The following ASIC2 variants were observed in gnomAD, a reference collection of about 807,000 sequenced individuals.
The protein encoded by ASIC2 is acid-sensing ion channel 2.
ASIC2 carries 25 observed loss-of-function variants against 57.3 expected under a neutral mutation model. That is an observed-to-expected ratio of 0.44 (90% CI 0.32 to 0.61). The LOEUF (loss-of-function observed/expected upper bound fraction) is 0.61, where lower values mean the gene tolerates loss of function less well. ASIC2 is among the 20% of genes least tolerant of loss of function. The probability of loss-of-function intolerance (pLI) is 0.06; values close to 1 mark genes in which losing one functional copy is unlikely to be tolerated. For synonymous variants in ASIC2, 319 were observed against 307.5 expected (o/e 1.04, Z -0.39); for missense variants, 641 against 738.1 (o/e 0.87, Z 1.52).
At chr17:33,452,124 C>A (rs936939802) in intron 1 of ASIC2, among the ~76,000 whole-genome samples, 2 of 152,226 alleles carry the variant, frequency 1.3e-5, no homozygotes, top group Non-Finnish European at 1.5e-5. Context: ...AGCAAAAAAG[C>A]ACTGACTGCC....
intron 1 of ASIC2, among the ~76,000 whole-genome samples, chr17:33,787,535 T>C (rs1911642218): frequency 1.3e-5 from 2 of 152,278 alleles, no homozygotes; most frequent in South Asian, 4.1e-4. Flanking sequence ...AAATACATAT[T>C]TTTGAGCCTC....
At chr17:33,889,408 T>A (rs1203212396) in intron 1 of ASIC2, among the ~76,000 whole-genome samples, 2 of 152,228 alleles carry the variant, frequency 1.3e-5, no homozygotes, top group Non-Finnish European at 2.9e-5. Flanking sequence ...TTACTTTTGA[T>A]AAGGAGTACC....
Position 33,531,790 on chromosome 17 carries a change from A to G in ASIC2, c.556-419723T>C, listed in dbSNP as rs192103273. Among the ~76,000 whole-genome samples the G allele has an allele frequency of 4.6e-3, 706 of 152,044 alleles. 9 individuals carry two copies. Among genetic ancestry groups the G allele is most frequent in the Admixed American group, 0.02 (305 of 15,282 alleles). On this transcript the variant is annotated intron_variant, in intron 1 of 9. Transcript: ENST00000359872. ...TGGGGGGTGCCCATAATCTGTCTCA[A>G]GTTTCTGATGGTGAGGTGCTCGAGG... is the stretch of plus-strand genomic sequence containing the variant.
At chr17:33,074,647 G>C (rs1394516764) in intron 3 of ASIC2, among the ~76,000 whole-genome samples, 6 of 152,182 alleles carry the variant, frequency 3.9e-5, no homozygotes, top group South Asian at 2.1e-4. Context: ...TCAATGGTTA[G>C]AGCCAGGCGT....
At chr17:33,305,760 T>C (rs1297833122) in intron 1 of ASIC2, among the ~76,000 whole-genome samples, 1 of 151,986 alleles carries the variant, frequency 6.6e-6, no homozygotes, top group African/African-American at 2.4e-5. Flanking sequence ...ATGGTTTCAT[T>C]AAAAAAAAGT....
chr17:33,416,310 T>C (rs1910838703), intron 1 of ASIC2, among the ~76,000 whole-genome samples: 1 of 152,214 alleles, frequency 6.6e-6, no homozygotes, highest in Admixed American at 6.5e-5. Context: ...ACTGAACAAA[T>C]TGACCAAGCT....
chr17:33,707,268 A>G (rs186313901), intron 1 of ASIC2, among the ~76,000 whole-genome samples: 1 of 152,286 alleles, frequency 6.6e-6, no homozygotes, highest in East Asian at 1.9e-4. Context: ...CTGAAAACCT[A>G]TAACCTTTAA....
chr17:33,996,489 C>A (rs947045339), intron 1 of ASIC2, among the ~76,000 whole-genome samples: 1 of 152,086 alleles, frequency 6.6e-6, no homozygotes, highest in Non-Finnish European at 1.5e-5. Flanking sequence ...TTTCTAGTAT[C>A]ATTGTTTAAG....
At chr17:33,560,378 G>A (rs1249275865) in intron 1 of ASIC2, among the ~76,000 whole-genome samples, 2 of 152,204 alleles carry the variant, frequency 1.3e-5, no homozygotes, top group East Asian at 3.8e-4. Context: ...TAAGGCAACT[G>A]CTACTTTGGA....
chr17:33,043,525 C>A (rs2091938048), intron 3 of ASIC2, among the ~76,000 whole-genome samples: 1 of 152,154 alleles, frequency 6.6e-6, no homozygotes, highest in South Asian at 2.1e-4. Flanking sequence ...GCAAACATCA[C>A]CAATCAATCA....
chr17:33,922,072 G>C (rs1043735799), intron 1 of ASIC2, among the ~76,000 whole-genome samples: 2 of 152,196 alleles, frequency 1.3e-5, no homozygotes, highest in Admixed American at 1.3e-4. Context: ...CATCTCACAG[G>C]TGAGGAAACT....
At chr17:33,017,760 C>G in intron 7 of ASIC2, 76 bp from the exon 8 acceptor site, 2 of 1,394,548 alleles carry the variant, frequency 1.4e-6, no homozygotes, top group Non-Finnish European at 2.0e-6. Context: ...GAGATGCAAC[C>G]CAGACCTTCT....
chr17:33,037,522 G>GCACAC (rs150342454), intron 3 of ASIC2, among the ~76,000 whole-genome samples: 2 of 150,330 alleles, frequency 1.3e-5, no homozygotes, highest in Non-Finnish European at 2.9e-5. Flanking sequence ...AAATTACTGT[G>GCACAC]TGCACAGCAC....
chr17:33,940,595 G>A (rs1916167546), intron 1 of ASIC2, among the ~76,000 whole-genome samples: 1 of 151,710 alleles, frequency 6.6e-6, no homozygotes, highest in African/African-American at 2.4e-5. Flanking sequence ...ACACAACAAT[G>A]CACTGTAGTA....
At chr17:33,681,611 C>T (rs554435515) in intron 1 of ASIC2, among the ~76,000 whole-genome samples, 7 of 152,194 alleles carry the variant, frequency 4.6e-5, no homozygotes, top group East Asian at 3.9e-4. Context: ...CAAGGCTCTG[C>T]GCAGCTGGAG....
intron 1 of ASIC2, among the ~76,000 whole-genome samples, chr17:33,317,411 T>G (rs1174249509): frequency 1.3e-5 from 2 of 152,228 alleles, no homozygotes; most frequent in Non-Finnish European, 1.5e-5. Context: ...TTGCTTATAC[T>G]TGCATTGTCA....
chr17:33,766,147 TGAGA>T (rs945357838), intron 1 of ASIC2, among the ~76,000 whole-genome samples: 1 of 152,044 alleles, frequency 6.6e-6, no homozygotes, highest in African/African-American at 2.4e-5. Flanking sequence ...TGAGATATTT[TGAGA>T]GAGAGAGAGG....
chr17:33,850,473 C>T (rs1258766539), intron 1 of ASIC2, among the ~76,000 whole-genome samples: 1 of 152,168 alleles, frequency 6.6e-6, no homozygotes, highest in African/African-American at 2.4e-5. Context: ...GCTGCAATTA[C>T]CACTTGTCTG....
At chr17:33,922,475 A>G (rs1363254336) in intron 1 of ASIC2, among the ~76,000 whole-genome samples, 1 of 152,208 alleles carries the variant, frequency 6.6e-6, no homozygotes, top group Non-Finnish European at 1.5e-5. Context: ...TCTAGGTGCT[A>G]CAGATACAGC....
Sources: allele counts gnomAD v4.1 joint callset (sites outside exome capture counted in the v4.1 genomes callset), GRCh38; gene constraint gnomAD v4.1.1; transcripts MANE v1.5; gene names NCBI Gene and HGNC (gene_info 2026-07-23, HGNC 2026-07-21).